The following RALYL variants were observed in gnomAD, a reference collection of about 807,000 sequenced individuals.
RALYL encodes RNA-binding Raly-like protein.
RALYL carries 29 observed loss-of-function variants against 35.1 expected under a neutral mutation model. That is an observed-to-expected ratio of 0.83 (90% confidence interval 0.61 to 1.13). The LOEUF is 1.13. Among genes scored for constraint, RALYL ranks in the 50% most tolerant of loss-of-function variants. The probability of loss-of-function intolerance (pLI) is 0.00; values close to 1 mark genes in which losing one functional copy is unlikely to be tolerated. For synonymous variants in RALYL, 120 were observed against 127.6 expected, an observed-to-expected ratio of 0.94 and a Z score of 0.40; for missense variants, 359 against 360.4, an observed-to-expected ratio of 1.00 and a Z score of 0.03.
intron 1 of RALYL, among the ~76,000 whole-genome samples, chr8:84,457,619 G>A (rs2050284764): frequency 6.6e-6 from 1 of 151,766 alleles, no homozygotes; most frequent in Non-Finnish European, 1.5e-5. Context: ...GCTTATTTAA[G>A]TTTATTTTAA....
At chr8:84,762,580 T>A (rs1210113922) in intron 2 of RALYL, among the ~76,000 whole-genome samples, 1 of 152,226 alleles carries the variant, frequency 6.6e-6, no homozygotes. Flanking sequence ...AGCAATGGAT[T>A]TTTTAAGTTA....
chr8:84,469,727 C>A (rs1441386040), intron 1 of RALYL, among the ~76,000 whole-genome samples: 1 of 152,202 alleles, frequency 6.6e-6, no homozygotes, highest in Non-Finnish European at 1.5e-5. Context: ...GGCAGGCGCC[C>A]CTCCCCCAGC....
chr8:84,468,154 A>G (rs967545838), intron 1 of RALYL, among the ~76,000 whole-genome samples: 1 of 151,624 alleles, frequency 6.6e-6, no homozygotes, highest in African/African-American at 2.4e-5. Context: ...TTTAAAGTTA[A>G]TATTGTTATG....
intron 1 of RALYL, among the ~76,000 whole-genome samples, chr8:84,228,306 A>G (rs1013792778): frequency 6.6e-6 from 1 of 152,204 alleles, no homozygotes; most frequent in South Asian, 2.1e-4. Context: ...TCCTGGGTAT[A>G]TAGACTTTCA....
intron 1 of RALYL, among the ~76,000 whole-genome samples, chr8:84,424,626 C>T (rs2046117731): frequency 6.6e-6 from 1 of 151,672 alleles, no homozygotes; most frequent in East Asian, 1.9e-4. Context: ...GAGAGACGCT[C>T]TGTGTTTTAG....
chr8:84,352,012 GA>G (rs1296644454), intron 1 of RALYL, among the ~76,000 whole-genome samples: 2 of 150,328 alleles, frequency 1.3e-5, no homozygotes, highest in Non-Finnish European at 3.0e-5. Context: ...GTGTAAACCT[GA>G]ATCTTACCCC....
At chr8:84,366,270 C>A (rs993572497) in intron 1 of RALYL, among the ~76,000 whole-genome samples, 3 of 152,084 alleles carry the variant, frequency 2.0e-5, no homozygotes, top group African/African-American at 7.2e-5. Flanking sequence ...CGTTGTATGA[C>A]CTAAGAGGGC....
At chr8:84,187,440 C>A (rs1223388024) in intron 1 of RALYL, among the ~76,000 whole-genome samples, 1 of 152,002 alleles carries the variant, frequency 6.6e-6, no homozygotes, top group Admixed American at 6.5e-5. Context: ...TGGTCATAAT[C>A]AAGTAACACC....
intron 1 of RALYL, among the ~76,000 whole-genome samples, chr8:84,464,701 C>G (rs184605814): frequency 6.6e-6 from 1 of 152,162 alleles, no homozygotes; most frequent in African/African-American, 2.4e-5. Context: ...TTCTAGATCC[C>G]TAAGGAATCG....
chr8:84,710,055 CA>C (rs1841915485), intron 2 of RALYL, among the ~76,000 whole-genome samples: 1 of 151,906 alleles, frequency 6.6e-6, no homozygotes, highest in Non-Finnish European at 1.5e-5. Context: ...AGCTAGACTC[CA>C]TCTCAAAAAA....
chr8:84,349,182 A>G lies in RALYL; in HGVS notation c.-24+164758A>G, dbSNP rs1850387254. ...CCAGACCACACTTAGAACTAGAACC[A>G]ACATTTAAAACCCAGTTTATTTGGC... is the stretch of plus-strand genomic sequence containing the variant. On this transcript the variant is annotated intron_variant, in intron 1 of 8. Coordinates refer to ENST00000521268, the MANE Select transcript of RALYL (RefSeq NM_173848.7). Among the ~76,000 whole-genome samples, 2 of 150,228 alleles carry G rather than the reference A, an allele frequency of 1.3e-5. 1 individual carries two copies. Among genetic ancestry groups the G allele is most frequent in the Non-Finnish European group, 3.0e-5 (2 of 67,702 alleles).
At chr8:84,834,668 A>G (rs1354294825) in intron 4 of RALYL, among the ~76,000 whole-genome samples, 1 of 152,224 alleles carries the variant, frequency 6.6e-6, no homozygotes, top group Admixed American at 6.5e-5. Flanking sequence ...AAGCTCAAAA[A>G]AAGGGTAGAT....
At chr8:84,897,159 T>C (rs549401727) in intron 8 of RALYL, among the ~76,000 whole-genome samples, 9 of 152,268 alleles carry the variant, frequency 5.9e-5, no homozygotes, top group African/African-American at 2.2e-4. Context: ...TTGTAACGAT[T>C]AAAAAATATA....
At chr8:84,755,415 TA>T (rs1345746280) in intron 2 of RALYL, among the ~76,000 whole-genome samples, 1 of 152,176 alleles carries the variant, frequency 6.6e-6, no homozygotes, top group African/African-American at 2.4e-5. Context: ...GCAGTTACTT[TA>T]AATCTCCGTA....
chr8:84,346,842 T>C (rs1471475012), intron 1 of RALYL, among the ~76,000 whole-genome samples: 1 of 152,096 alleles, frequency 6.6e-6, no homozygotes, highest in Non-Finnish European at 1.5e-5. Flanking sequence ...TCAAAATACT[T>C]AAGACCATAC....
intron 2 of RALYL, among the ~76,000 whole-genome samples, chr8:84,653,342 A>T (rs1829243023): frequency 6.6e-6 from 1 of 152,008 alleles, no homozygotes; most frequent in Admixed American, 6.6e-5. Flanking sequence ...TGAGGGCAAA[A>T]AGCACCTACA....
At chr8:84,515,095 G>C (rs2057952878) in intron 1 of RALYL, among the ~76,000 whole-genome samples, 1 of 152,120 alleles carries the variant, frequency 6.6e-6, no homozygotes, top group Admixed American at 6.5e-5. Flanking sequence ...GTGTTTTTCT[G>C]TATAAATCTC....
At position 84,280,850 on chromosome 8, in the gene RALYL, A is replaced by G. The variant is rs531462225; in HGVS notation, c.-24+96426A>G. Among the ~76,000 whole-genome samples the G allele has an allele frequency of 5.3e-5, 8 of 152,090 alleles. 1 individual carries two copies. The South Asian group carries it at 1.7e-3, about 31-fold the overall frequency. The stretch of plus-strand genomic sequence containing the variant: ...TAATGATTAGTCCGTGTGAAAATAC[A>G]TTTTTGGGTAGGAGATAATATTTTT... On this transcript the variant is annotated intron_variant, in intron 1 of 8. Transcript: ENST00000521268.
chr8:84,285,747 G>A (rs1187772523), intron 1 of RALYL, among the ~76,000 whole-genome samples: 1 of 152,144 alleles, frequency 6.6e-6, no homozygotes, highest in African/African-American at 2.4e-5. Flanking sequence ...GGAGGTTGGT[G>A]TAACTAATGA....
Sources: gnomAD v4.1 joint callset for allele counts (sites outside exome capture counted in the v4.1 genomes callset) on GRCh38, gnomAD v4.1.1 for gene constraint, MANE v1.5 for transcripts, NCBI Gene and HGNC (gene_info 2026-07-23, HGNC 2026-07-21) for gene names.